Variants in ST7L observed in about 807,000 individuals in gnomAD.
ST7L encodes suppressor of tumorigenicity 7 protein-like.
Under a neutral mutation model 72.5 loss-of-function variants are expected in ST7L, and 57 were observed. That is an observed-to-expected ratio of 0.79 (90% CI 0.64 to 0.98). The LOEUF (loss-of-function observed/expected upper bound fraction) is 0.98. ST7L is among the 50% of genes least tolerant of loss of function. ST7L has a pLI of 0.00. For synonymous variants in ST7L, 221 were observed against 240.9 expected (o/e 0.92, Z 0.77); for missense variants, 576 against 672.2 (o/e 0.86, Z 1.58).
rs545519896 is a variant in ST7L at position 112,534,902 on chromosome 1, A to T, written c.1629+7049T>A. On this transcript the variant is annotated intron_variant, in intron 14 of 14. Transcript: ENST00000358039. Reference sequence around the variant, plus strand: ...GTGACATGATGTCCTAAATTTTAGCAATGAGATTTTCACTTTGAGGGGGAA... The same window carrying T: ...GTGACATGATGTCCTAAATTTTAGCTATGAGATTTTCACTTTGAGGGGGAA... Among the ~76,000 whole-genome samples, 4 of 152,298 alleles carry T rather than the reference A, an allele frequency of 2.6e-5. No homozygotes were observed. The South Asian group carries it at 8.3e-4, about 32-fold the overall frequency.
At chr1:112,518,371 C>T in the ST7L span, 1 of 152,214 alleles carries the variant, frequency 6.6e-6, no homozygotes, top group Non-Finnish European at 1.5e-5. Context: ...GCCAAAAAAC[C>T]TCAGCTATCT....
At chr1:112,520,252 T>C, downstream of ST7L, 1 of 1,599,282 alleles carries the variant, frequency 6.3e-7, no homozygotes, top group Non-Finnish European at 8.5e-7. Flanking sequence ...GATAACTTTG[T>C]TCTCACTCCC....
chr1:112,528,806 G>C (rs1024907100), intron 14 of ST7L: 1 of 152,082 alleles, frequency 6.6e-6, no homozygotes, highest in Non-Finnish European at 1.5e-5. Context: ...CAGATTTATC[G>C]TATCTGAGGC....
chr1:112,522,032 T>C (rs182046465), downstream of ST7L: 205 of 152,284 alleles, frequency 1.3e-3, no homozygotes, highest in African/African-American at 4.7e-3. Context: ...TTTTTTTCTT[T>C]CTTTTTATTT....
At chr1:112,582,192 G>A (rs1427749878) in intron 8 of ST7L, 86 bp from the exon 9 acceptor site, 10 of 1,089,554 alleles carry the variant, frequency 9.2e-6, no homozygotes, top group Non-Finnish European at 1.2e-5. Flanking sequence ...AGAAATTCTT[G>A]TTTCTTACCA....
intron 11 of ST7L, among the ~76,000 whole-genome samples, chr1:112,565,483 A>G (rs1389381546): frequency 6.6e-6 from 1 of 151,858 alleles, no homozygotes; most frequent in Non-Finnish European, 1.5e-5. Flanking sequence ...GCTCTACTTT[A>G]CTCTTGCCCT....
chr1:112,576,282 G>A (rs754766705), intron 11 of ST7L, among the ~76,000 whole-genome samples: 2 of 152,044 alleles, frequency 1.3e-5, no homozygotes, highest in Non-Finnish European at 2.9e-5. Context: ...CAGAGATGAG[G>A]TCTCACCACA....
intron 1 of ST7L, among the ~76,000 whole-genome samples, chr1:112,617,719 A>T (rs56864192): frequency 0.1 from 6,769 of 66,374 alleles, 234 homozygotes; most frequent in African/African-American, 0.33. Flanking sequence ...TCTCTCTCTC[A>T]CACACACACA....
chr1:112,592,017 A>C (rs1665794883), intron 5 of ST7L, among the ~76,000 whole-genome samples: 1 of 152,098 alleles, frequency 6.6e-6, no homozygotes, highest in African/African-American at 2.4e-5. Flanking sequence ...AAAAACTTAA[A>C]AACAAAGTCT....
At position 112,550,694 on chromosome 1, in the gene ST7L, C is replaced by T; in HGVS notation, c.1397-1G>A. On this transcript the variant is annotated splice_acceptor_variant, in intron 12 of 14. Coordinates refer to ENST00000358039, the MANE Select transcript of ST7L (RefSeq NM_017744.5). LOFTEE classifies it high-confidence loss of function. The stretch of plus-strand genomic sequence containing the variant: ...AACGGGTATGGAATCATTCTAAAAG[C>T]TGAGGAAAAAAAAGCATGTGTTGAT... The T allele has an allele frequency of 6.2e-7, 1 of 1,609,198 alleles. No homozygotes were observed. Among genetic ancestry groups the T allele is most frequent in the African/African-American group, 1.3e-5 (1 of 74,798 alleles).
chr1:112,533,499 T>A (rs989737814), intron 14 of ST7L, among the ~76,000 whole-genome samples: 4 of 151,930 alleles, frequency 2.6e-5, no homozygotes, highest in African/African-American at 9.7e-5. Context: ...GTATTTTTAG[T>A]AGAGACGCGG....
chr1:112,537,065 G>A (rs1655335549), intron 14 of ST7L, among the ~76,000 whole-genome samples: 1 of 151,526 alleles, frequency 6.6e-6, no homozygotes, highest in Non-Finnish European at 1.5e-5. Context: ...ACGCGATCTC[G>A]GCTCACTGCA....
intron 13 of ST7L, among the ~76,000 whole-genome samples, chr1:112,549,071 T>C (rs563650810): frequency 6.6e-6 from 1 of 152,166 alleles, no homozygotes; most frequent in Non-Finnish European, 1.5e-5. Context: ...ATTGAATCTA[T>C]AGATCAATTT....
intron 12 of ST7L, among the ~76,000 whole-genome samples, chr1:112,553,258 A>G (rs746090618): frequency 1.3e-5 from 2 of 151,978 alleles, no homozygotes; most frequent in Non-Finnish European, 2.9e-5. Flanking sequence ...ACACACACAC[A>G]CATATTAGAG....
chr1:112,544,842 G>A (rs1455128120), intron 13 of ST7L, among the ~76,000 whole-genome samples: 3 of 152,066 alleles, frequency 2.0e-5, no homozygotes, highest in Admixed American at 6.6e-5. Context: ...TTCCTGGATT[G>A]CTTTCTGTAG....
At chr1:112,581,398 CTT>C (rs5777129) in intron 9 of ST7L, among the ~76,000 whole-genome samples, 29,384 of 135,102 alleles carry the variant, frequency 0.22, 2,680 homozygotes, top group Non-Finnish European at 0.25. Flanking sequence ...GGCTCCCCGT[CTT>C]TTTTTTTTTT....
intron 2 of ST7L, among the ~76,000 whole-genome samples, chr1:112,611,964 T>A (rs1234575399): frequency 2.2e-5 from 2 of 89,306 alleles, no homozygotes; most frequent in African/African-American, 9.9e-5. Flanking sequence ...AGTGAGACCC[T>A]GTCTCAAAAA....
intron 14 of ST7L, among the ~76,000 whole-genome samples, chr1:112,536,857 TCAGTAAAACAAA>T (rs1010232561): frequency 9.8e-5 from 15 of 152,314 alleles, no homozygotes; most frequent in African/African-American, 3.6e-4. Context: ...CAATATGCGT[TCAGTAAAACAAA>T]CTTCAACAAA....
chr1:112,596,328 AC>A (rs1415917733), intron 5 of ST7L, among the ~76,000 whole-genome samples: 1 of 152,154 alleles, frequency 6.6e-6, no homozygotes, highest in Non-Finnish European at 1.5e-5. Flanking sequence ...TATTTTTCAG[AC>A]CCTTCAGTGA....
Sources: allele counts gnomAD v4.1 joint callset (sites outside exome capture counted in the v4.1 genomes callset), GRCh38; gene constraint gnomAD v4.1.1; transcripts MANE v1.5; gene names NCBI Gene and HGNC (gene_info 2026-07-23, HGNC 2026-07-21).